ROBO2: variants seen among roughly 807,000 people sequenced by gnomAD.
ROBO2 encodes roundabout homolog 2.
In ROBO2, 53 loss-of-function variants were observed where a neutral mutation model predicts 160.8. The ratio of observed to expected loss-of-function variants is 0.33; its 90% CI spans 0.26 to 0.41. The LOEUF is 0.41. Ranked by LOEUF, ROBO2 falls within the 10% of genes least tolerant of loss-of-function variation. The pLI, the probability that ROBO2 is intolerant of heterozygous loss-of-function variation, is 1.00. For synonymous variants in ROBO2, 664 were observed against 611.7 expected (o/e 1.09, Z -1.26); for missense variants, 1,577 against 1,722.4 (o/e 0.92, Z 1.49).
chr3:77,550,767 A>T (rs191712754), intron 7 of ROBO2, 51 bp from the exon 9 acceptor site: 202 of 1,590,838 alleles, frequency 1.3e-4, no homozygotes, highest in East Asian at 5.2e-4. Flanking sequence ...TATTCACATA[A>T]TTTTTTTAAG....
At chr3:76,296,088 A>G (rs1330660160) in intron 2 of ROBO2, among the ~76,000 whole-genome samples, 1 of 152,190 alleles carries the variant, frequency 6.6e-6, no homozygotes, top group East Asian at 1.9e-4. Context: ...ATCATCGTGG[A>G]TATCTGGTTG....
At chr3:76,121,565 T>TA (rs1302923114) in intron 2 of ROBO2, among the ~76,000 whole-genome samples, 12 of 152,136 alleles carry the variant, frequency 7.9e-5, no homozygotes, top group Non-Finnish European at 1.5e-4. Context: ...CTGTGTTGGT[T>TA]AAAAAAGCTT....
At chr3:76,047,321 C>G (rs939131930) in intron 2 of ROBO2, among the ~76,000 whole-genome samples, 1 of 152,074 alleles carries the variant, frequency 6.6e-6, no homozygotes, top group Non-Finnish European at 1.5e-5. Context: ...TGAAAAGAAC[C>G]AAAAATATTC....
intron 2 of ROBO2, among the ~76,000 whole-genome samples, chr3:76,995,847 A>T (rs1335267845): frequency 2.6e-5 from 4 of 152,158 alleles, no homozygotes; most frequent in Admixed American, 6.5e-5. Flanking sequence ...GATTCTGGGT[A>T]TTAGCCCTTT....
chr3:76,277,293 G>A (rs896393121), intron 2 of ROBO2, among the ~76,000 whole-genome samples: 13 of 151,964 alleles, frequency 8.6e-5, no homozygotes, highest in Non-Finnish European at 1.8e-4. Flanking sequence ...TGTATCAGCT[G>A]TTAAACAACA....
At chr3:76,584,264 T>C (rs541979780) in intron 2 of ROBO2, among the ~76,000 whole-genome samples, 3 of 152,206 alleles carry the variant, frequency 2.0e-5, no homozygotes, top group African/African-American at 7.2e-5. Flanking sequence ...CAGTCTGTTT[T>C]GCCAAAAAAT....
At chr3:76,027,467 G>A (rs1443773973) in intron 2 of ROBO2, among the ~76,000 whole-genome samples, 1 of 151,700 alleles carries the variant, frequency 6.6e-6, no homozygotes, top group African/African-American at 2.4e-5. Context: ...GAGCAAAAGG[G>A]GGCTTATGAC....
intron 2 of ROBO2, among the ~76,000 whole-genome samples, chr3:76,881,924 G>C (rs2073373904): frequency 6.6e-6 from 1 of 152,178 alleles, no homozygotes; most frequent in Admixed American, 6.5e-5. Context: ...GGTGTCTGTT[G>C]GGTGGTAGGT....
intron 6 of ROBO2, among the ~76,000 whole-genome samples, chr3:77,536,148 C>T (rs374518039): frequency 1.8e-4 from 28 of 152,238 alleles, no homozygotes; most frequent in Non-Finnish European, 3.4e-4. Context: ...AGTTCATAGT[C>T]GAACTATATT....
intron 2 of ROBO2, among the ~76,000 whole-genome samples, chr3:76,867,117 A>C (rs554054018): frequency 6.6e-6 from 1 of 152,286 alleles, no homozygotes; most frequent in African/African-American, 2.4e-5. Context: ...AAGTGTTTAC[A>C]TGTTGGGAGA....
intron 2 of ROBO2, among the ~76,000 whole-genome samples, chr3:77,233,203 A>G (rs1457790271): frequency 6.6e-6 from 1 of 152,216 alleles, no homozygotes; most frequent in Non-Finnish European, 1.5e-5. Context: ...ATATGTTTGA[A>G]AATTCAAAGT....
chr3:75,993,889 C>T (rs1042937273), intron 2 of ROBO2, among the ~76,000 whole-genome samples: 1 of 152,162 alleles, frequency 6.6e-6, no homozygotes, highest in Non-Finnish European at 1.5e-5. Flanking sequence ...ACTCCCAGAC[C>T]CAACCCCTCC....
chr3:77,198,570 C>G (rs1440926538), intron 2 of ROBO2, among the ~76,000 whole-genome samples: 1 of 152,134 alleles, frequency 6.6e-6, no homozygotes, highest in Non-Finnish European at 1.5e-5. Flanking sequence ...TTGTACATGG[C>G]TTTTTCAGCC....
chr3:76,016,932 G>T (rs1411861605), intron 2 of ROBO2, among the ~76,000 whole-genome samples: 1 of 152,080 alleles, frequency 6.6e-6, no homozygotes, highest in Non-Finnish European at 1.5e-5. Flanking sequence ...TGAGGCATAG[G>T]ATAGCAGTGT....
intron 2 of ROBO2, among the ~76,000 whole-genome samples, chr3:76,701,682 G>T (rs575935056): frequency 3.2e-4 from 48 of 151,940 alleles, no homozygotes; most frequent in Admixed American, 9.2e-4. Flanking sequence ...TCCTTTAATA[G>T]AATACAACTT....
At chr3:76,573,504 G>A (rs924873712) in intron 2 of ROBO2, among the ~76,000 whole-genome samples, 2 of 149,812 alleles carry the variant, frequency 1.3e-5, no homozygotes, top group African/African-American at 4.9e-5. Flanking sequence ...TTTCTGTCCC[G>A]TGGAAAAAAT....
At chr3:76,286,871 G>A (rs2107687656) in intron 2 of ROBO2, among the ~76,000 whole-genome samples, 1 of 152,164 alleles carries the variant, frequency 6.6e-6, no homozygotes, top group African/African-American at 2.4e-5. Context: ...CTTCCTTTAG[G>A]TAATAAAACA....
chr3:77,390,725 G>C (rs965515342), intron 2 of ROBO2, among the ~76,000 whole-genome samples: 1 of 152,188 alleles, frequency 6.6e-6, no homozygotes, highest in African/African-American at 2.4e-5. Flanking sequence ...TTTTTAAATA[G>C]CATGTGTGCC....
intron 2 of ROBO2, among the ~76,000 whole-genome samples, chr3:77,433,848 G>T (rs2079031726): frequency 1.3e-5 from 2 of 151,798 alleles, no homozygotes; most frequent in Non-Finnish European, 2.9e-5. Flanking sequence ...TGTCAGTTTT[G>T]TCCCTTCCCT....
Sources: gnomAD v4.1 joint callset for allele counts (sites outside exome capture counted in the v4.1 genomes callset) on GRCh38, gnomAD v4.1.1 for gene constraint, MANE v1.5 for transcripts, NCBI Gene and HGNC (gene_info 2026-07-23, HGNC 2026-07-21) for gene names.